LUZP2: variants seen among roughly 807,000 people sequenced by gnomAD.
LUZP2 encodes leucine zipper protein 2.
Under a neutral mutation model 51.6 loss-of-function variants are expected in LUZP2, and 52 were observed. The observed-to-expected ratio is 1.01, with a 90% CI of 0.81 to 1.27. The LOEUF (loss-of-function observed/expected upper bound fraction) is 1.27. LUZP2 is among the 50% of genes most tolerant of loss of function. LUZP2 has a pLI of 0.00. For missense variants in LUZP2, 436 were observed against 395.4 expected (o/e 1.10, Z -0.87); for synonymous variants, 154 against 137.3 (o/e 1.12, Z -0.85).
At chr11:24,589,981 T>C (rs1853202947) in intron 1 of LUZP2, among the ~76,000 whole-genome samples, 2 of 152,184 alleles carry the variant, frequency 1.3e-5, no homozygotes, top group Admixed American at 6.5e-5. Context: ...ATTATAGTTA[T>C]GGTTTCAATA....
At chr11:24,868,332 C>T (rs955180185) in intron 5 of LUZP2, among the ~76,000 whole-genome samples, 7 of 148,910 alleles carry the variant, frequency 4.7e-5, no homozygotes, top group Non-Finnish European at 7.5e-5. Flanking sequence ...CTGTGTTCTT[C>T]CTACAATTTT....
Position 24,759,966 on chromosome 11 carries a change from G to A in LUZP2, c.334-3280G>A, listed in dbSNP as rs1199375857. Among the ~76,000 whole-genome samples, 4 of 152,128 alleles carry A rather than the reference G, an allele frequency of 2.6e-5. No homozygotes were observed. In the East Asian group the frequency reaches 7.7e-4, roughly 29 times the overall value. On this transcript the variant is annotated intron_variant, in intron 4 of 11. Coordinates refer to ENST00000336930, the MANE Select transcript of LUZP2 (RefSeq NM_001009909.4). ...ACAGCTTGGTTTTATATGTTTTAGG[G>A]AGACAGAAGACATCAGTGAATACAT...
At chr11:24,999,464 G>A (rs920838881) in intron 9 of LUZP2, among the ~76,000 whole-genome samples, 4 of 150,606 alleles carry the variant, frequency 2.7e-5, no homozygotes, top group African/African-American at 9.8e-5. Context: ...AGAAGAGAAG[G>A]AAAAGGAGAA....
chr11:24,521,224 G>A lies in LUZP2; in HGVS notation c.62+23919G>A, dbSNP rs569641807. 1.0e-3 allele frequency among the ~76,000 whole-genome samples: 159 copies of A among 151,976 alleles called. 1 individual carries two copies. Among genetic ancestry groups the A allele is most frequent in the Non-Finnish European group, 1.6e-3 (107 of 67,952 alleles). ...AAGTTAGTCAGGCATGGTGGCGTGG[G>A]CCTGTAATCCCAGCTGCTCAGGAGA... On this transcript the variant is annotated intron_variant, in intron 1 of 11. Transcript: ENST00000336930.
intron 4 of LUZP2, among the ~76,000 whole-genome samples, chr11:24,762,707 A>T (rs1422980611): frequency 6.6e-6 from 1 of 152,122 alleles, no homozygotes; most frequent in East Asian, 1.9e-4. Flanking sequence ...TATTTTTAGG[A>T]AATACGGTTC....
chr11:24,549,423 TTTACTC>T (rs1244124258), intron 1 of LUZP2, among the ~76,000 whole-genome samples: 1 of 152,062 alleles, frequency 6.6e-6, no homozygotes, highest in Non-Finnish European at 1.5e-5. Context: ...CTGAGGTCGT[TTTACTC>T]TTAATTCTTT....
intron 7 of LUZP2, among the ~76,000 whole-genome samples, chr11:24,936,584 T>C (rs12284209): frequency 0.47 from 70,981 of 151,564 alleles, 16,923 homozygotes; most frequent in East Asian, 0.76. Flanking sequence ...GAGAAGCCCC[T>C]CTCATTCCTG....
intron 1 of LUZP2, among the ~76,000 whole-genome samples, chr11:24,704,287 A>C (rs35552108): frequency 0.061 from 9,296 of 152,262 alleles, 372 homozygotes; most frequent in Non-Finnish European, 0.094. Flanking sequence ...TTTGCTAAAA[A>C]TTAGCTTAAT....
chr11:24,961,075 C>T lies in LUZP2; in HGVS notation c.523-15516C>T, dbSNP rs186483148. Among the ~76,000 whole-genome samples the T allele has an allele frequency of 3.2e-3, 484 of 152,114 alleles. 4 individuals are homozygous for T. The highest frequency in any genetic ancestry group is 0.011 in the African/African-American group (469 of 41,482). On this transcript the variant is annotated intron_variant, in intron 7 of 11. Transcript: ENST00000336930. ...AGCGGTTTTGAGTGAGTTTCTTAAT[C>T]CTGAGTTCTAGTTTGATTGCACTGT...
intron 7 of LUZP2, among the ~76,000 whole-genome samples, chr11:24,949,130 C>T (rs1350482502): frequency 6.6e-6 from 1 of 151,508 alleles, no homozygotes; most frequent in Non-Finnish European, 1.5e-5. Flanking sequence ...AGTGAAATGG[C>T]AGGAAAAAAC....
chr11:24,709,718 G>A (rs569972262), intron 1 of LUZP2, among the ~76,000 whole-genome samples: 3 of 152,130 alleles, frequency 2.0e-5, no homozygotes, highest in African/African-American at 7.2e-5. Context: ...AAAGAGGAAT[G>A]TATACAGCCT....
chr11:24,569,100 A>C (rs1384043065), intron 1 of LUZP2, among the ~76,000 whole-genome samples: 2 of 151,992 alleles, frequency 1.3e-5, no homozygotes, highest in Non-Finnish European at 2.9e-5. Context: ...AAAACAGTTA[A>C]ATGTCATATT....
At chr11:24,833,612 G>A (rs1850764216) in intron 5 of LUZP2, among the ~76,000 whole-genome samples, 1 of 151,978 alleles carries the variant, frequency 6.6e-6, no homozygotes, top group Admixed American at 6.6e-5. Flanking sequence ...TCATTTTTGA[G>A]CTCCACTCAG....
chr11:24,794,052 G>T (rs955458693), intron 5 of LUZP2, among the ~76,000 whole-genome samples: 1 of 151,922 alleles, frequency 6.6e-6, no homozygotes, highest in Non-Finnish European at 1.5e-5. Context: ...TCAAGTAACA[G>T]GTAGATAAAT....
chr11:24,564,112 A>G lies in LUZP2; in HGVS notation c.62+66807A>G, dbSNP rs546386312. On this transcript the variant is annotated intron_variant, in intron 1 of 11. Coordinates refer to ENST00000336930, the MANE Select transcript of LUZP2 (RefSeq NM_001009909.4). ...TCCTGTGATTTTACTGCAAGATTTT[A>G]AAGTGTGTGGGCTTCATGTTGTTTG... Among the ~76,000 whole-genome samples, 7 of 152,228 alleles carry G rather than the reference A, an allele frequency of 4.6e-5. No homozygotes were observed. The East Asian group carries it at 1.4e-3, about 29-fold the overall frequency.
rs373528673 is a variant in LUZP2, at chr11:24,751,802, G to T, written c.334-11444G>T. ...AAACACTACACATTGCACTACATAC[G>T]CATTCTGAAGCAGAATTACTGGAGT... On this transcript the variant is annotated intron_variant, in intron 4 of 11. Transcript: ENST00000336930. Among the ~76,000 whole-genome samples the T allele has an allele frequency of 2.0e-5, 3 of 151,532 alleles. No homozygotes were observed. In the East Asian group the frequency reaches 5.8e-4, roughly 29 times the overall value.
At chr11:24,626,620 T>C (rs555442412) in intron 1 of LUZP2, among the ~76,000 whole-genome samples, 5 of 152,288 alleles carry the variant, frequency 3.3e-5, no homozygotes, top group African/African-American at 1.2e-4. Flanking sequence ...ACATAGCCAA[T>C]TTGATAATCT....
rs1446163 is a variant in LUZP2 at position 25,065,107 on chromosome 11, T to C, written c.859-12222T>C. On this transcript the variant is annotated intron_variant, in intron 10 of 11. Transcript: ENST00000336930. ...AGTGAATTCTTTCTTAAATATTTGA[T>C]ACCAAAATATGCATCTTAAACTATG... Among the ~76,000 whole-genome samples the C allele has an allele frequency of 3.3e-3, 498 of 151,976 alleles. 3 individuals carry two copies. Among genetic ancestry groups the C allele is most frequent in the African/African-American group, 0.011 (461 of 41,452 alleles).
At chr11:24,742,586 G>A (rs1217377857) in intron 4 of LUZP2, among the ~76,000 whole-genome samples, 1 of 151,998 alleles carries the variant, frequency 6.6e-6, no homozygotes. Flanking sequence ...TGTAGATTCT[G>A]GATATTAGTC....
Sources: gnomAD v4.1 joint callset for allele counts (sites outside exome capture counted in the v4.1 genomes callset) on GRCh38, gnomAD v4.1.1 for gene constraint, MANE v1.5 for transcripts, NCBI Gene and HGNC (gene_info 2026-07-23, HGNC 2026-07-21) for gene names.